GATB: variants seen among roughly 807,000 people sequenced by gnomAD.
GATB encodes the protein glutamyl-tRNA(Gln) amidotransferase subunit B, mitochondrial.
A neutral mutation model predicts 62.3 loss-of-function variants in GATB; 39 were observed. The observed-to-expected ratio is 0.63, with a 90% CI of 0.48 to 0.82. GATB has a LOEUF of 0.82. GATB is among the 40% of genes least tolerant of loss of function. The probability of loss-of-function intolerance (pLI) is 0.00; values close to 1 mark genes in which losing one functional copy is unlikely to be tolerated. For missense variants in GATB, 670 were observed against 684.0 expected (o/e 0.98, Z 0.23); for synonymous variants, 276 against 258.9 (o/e 1.07, Z -0.63).
At chr4:151,734,480 C>T (rs540369436) in intron 2 of GATB, among the ~76,000 whole-genome samples, 9 of 152,180 alleles carry the variant, frequency 5.9e-5, no homozygotes, top group East Asian at 1.9e-4. Flanking sequence ...CCCATGTTCA[C>T]GGATGGGTAG....
At chr4:151,690,707 G>T (rs1738348018) in intron 9 of GATB, among the ~76,000 whole-genome samples, 1 of 152,174 alleles carries the variant, frequency 6.6e-6, no homozygotes, top group Admixed American at 6.5e-5. Context: ...CCCTTGGGTG[G>T]TTTTTTTATT....
At chr4:151,718,912 T>A (rs1049022579) in intron 3 of GATB, among the ~76,000 whole-genome samples, 25 of 152,228 alleles carry the variant, frequency 1.6e-4, no homozygotes, top group Non-Finnish European at 1.5e-5. Flanking sequence ...AGTTTACTGT[T>A]CTTGGTCCAG....
chr4:151,710,035 C>T (rs1738786789), intron 5 of GATB, among the ~76,000 whole-genome samples: 2 of 152,190 alleles, frequency 1.3e-5, no homozygotes, highest in South Asian at 4.1e-4. Context: ...CTCAAGGACT[C>T]ACTTGAGTGT....
chr4:151,718,930 G>GT (rs1204660241), intron 3 of GATB, among the ~76,000 whole-genome samples: 1 of 152,216 alleles, frequency 6.6e-6, no homozygotes, highest in Admixed American at 6.5e-5. Flanking sequence ...CAGATTTCTG[G>GT]TTCATGTTTC....
intron 2 of GATB, chr4:151,723,681 G>A (rs1261017856): frequency 6.6e-6 from 1 of 152,182 alleles, no homozygotes; most frequent in Non-Finnish European, 1.5e-5. Flanking sequence ...GCTTGGTGAT[G>A]GGTGACCCTA....
intron 5 of GATB, among the ~76,000 whole-genome samples, chr4:151,709,632 C>G (rs1738779480): frequency 6.6e-6 from 1 of 152,186 alleles, no homozygotes; most frequent in African/African-American, 2.4e-5. Context: ...CACGGCCTTT[C>G]CATTTCCATG....
In GATB at chr4:151,760,961, A is replaced by G; in HGVS notation, c.22T>C (p.Trp8Arg). 6.2e-7 allele frequency: 1 copy of G among 1,612,358 alleles called. No individual in the cohort carries two copies. The highest frequency in any genetic ancestry group is 1.1e-5 in the South Asian group (1 of 90,790). ...GCCCAACGTCTTCCACGGCAGCCCC[A>G]GCGCAGCATGGGCGCCGCCATTGTA... MAAPMLR[W>R]GCRGRRWAFA... Residue 8 changes from tryptophan to arginine, a missense_variant, in exon 1 of 13, where the codon TGG becomes CGG. Physicochemically the swap from Trp to Arg is moderately radical, Grantham distance 101. Coordinates refer to ENST00000263985, the MANE Select transcript of GATB (RefSeq NM_004564.3).
At chr4:151,739,923 G>C (rs1739451038) in intron 2 of GATB, among the ~76,000 whole-genome samples, 1 of 152,184 alleles carries the variant, frequency 6.6e-6, no homozygotes, top group Non-Finnish European at 1.5e-5. Flanking sequence ...ACAATGATGG[G>C]ACAGTCAGCT....
chr4:151,695,101 T>C (rs1224707968), intron 9 of GATB, among the ~76,000 whole-genome samples: 1 of 152,110 alleles, frequency 6.6e-6, no homozygotes, highest in Non-Finnish European at 1.5e-5. Flanking sequence ...CGCAAGTACA[T>C]CTTCCTACAG....
rs760891516 is a variant in GATB at position 151,760,954 on chromosome 4, C to G, written c.29G>C (p.Cys10Ser). The change falls in exon 1 of 13, where the codon TGC becomes TCC. Residue 10 changes from cysteine (C) to serine (S), a missense_variant. By Grantham distance (112) the Cys-to-Ser change is moderately radical (BLOSUM62 -1). Coordinates refer to ENST00000263985, the MANE Select transcript of GATB (RefSeq NM_004564.3). MAAPMLRWGCRGRRWAFARV... is the reference protein window; with the variant it reads MAAPMLRWGSRGRRWAFARV... ...GGCGAAAGCCCAACGTCTTCCACGG[C>G]AGCCCCAGCGCAGCATGGGCGCCGC... 17 of 1,612,992 alleles carry G rather than the reference C, an allele frequency of 1.1e-5. No homozygotes were observed. The highest frequency in any genetic ancestry group is 1.2e-5 in the Non-Finnish European group (14 of 1,179,782).
At chr4:151,700,786 C>G (rs977306756) in intron 9 of GATB, among the ~76,000 whole-genome samples, 27 of 152,216 alleles carry the variant, frequency 1.8e-4, no homozygotes, top group African/African-American at 6.3e-4. Context: ...TTGACAGTGT[C>G]AGGTTCTCTA....
intron 2 of GATB, among the ~76,000 whole-genome samples, chr4:151,731,819 T>C (rs2126986538): frequency 6.7e-6 from 1 of 149,232 alleles, no homozygotes; most frequent in South Asian, 2.2e-4. Flanking sequence ...GTCTGAGAAG[T>C]GAGGAGCCCC....
intron 5 of GATB, among the ~76,000 whole-genome samples, chr4:151,714,760 C>G (rs1465427644): frequency 6.6e-6 from 1 of 152,098 alleles, no homozygotes; most frequent in Non-Finnish European, 1.5e-5. Context: ...AATGGATAAC[C>G]ATCCAACTTG....
chr4:151,747,057 G>C (rs1434929091), intron 2 of GATB, among the ~76,000 whole-genome samples: 1 of 152,158 alleles, frequency 6.6e-6, no homozygotes, highest in Non-Finnish European at 1.5e-5. Context: ...AACTGCGGCA[G>C]GTAGGGTTGT....
chr4:151,682,743 C>T (rs1448586358), intron 10 of GATB, among the ~76,000 whole-genome samples: 2 of 152,004 alleles, frequency 1.3e-5, no homozygotes, highest in African/African-American at 4.8e-5. Flanking sequence ...TATCTCAGGC[C>T]CAAAGTCCAC....
At chr4:151,678,814 T>C (rs185346053) in intron 11 of GATB, among the ~76,000 whole-genome samples, 5 of 152,354 alleles carry the variant, frequency 3.3e-5, no homozygotes, top group Non-Finnish European at 1.5e-5. Context: ...GGCTGAAGCA[T>C]TGACAGCTGC....
chr4:151,720,833 G>GC (rs1739017608), intron 2 of GATB: 2 of 152,128 alleles, frequency 1.3e-5, no homozygotes, highest in Admixed American at 6.5e-5. Flanking sequence ...TCAGGGACTG[G>GC]CTCTTTAGGC....
chr4:151,701,319 C>A lies in GATB; in HGVS notation c.1197+10G>T. 2.0e-6 allele frequency: 3 copies of A among 1,513,918 alleles called. No individual in the cohort carries two copies. The highest frequency in any genetic ancestry group is 2.7e-5 in the South Asian group (2 of 73,974). The allele number at this position is 1,513,918 out of a possible 1,614,324, so 93.8% of individuals were successfully genotyped here. A position where few individuals can be genotyped will look rare whatever the true frequency, so the allele number is the denominator to read the frequency against. On this transcript the variant is annotated intron_variant, in intron 9 of 12. Coordinates refer to ENST00000263985, the MANE Select transcript of GATB (RefSeq NM_004564.3). Reference sequence around the variant, plus strand: ...AGCCGGGATCCTCTTGGCATCCGATCGATACCTACCAGCAAAGTGAAGCTG... The same window carrying A: ...AGCCGGGATCCTCTTGGCATCCGATAGATACCTACCAGCAAAGTGAAGCTG...
intron 2 of GATB, chr4:151,720,954 A>C (rs1030608958): frequency 3.3e-5 from 5 of 152,330 alleles, no homozygotes; most frequent in Non-Finnish European, 2.9e-5. Flanking sequence ...AAACCCAAAC[A>C]AGGGCCAGGC....
Sources: gnomAD v4.1 joint callset for allele counts (sites outside exome capture counted in the v4.1 genomes callset) on GRCh38, gnomAD v4.1.1 for gene constraint, MANE v1.5 for transcripts, NCBI Gene and HGNC (gene_info 2026-07-23, HGNC 2026-07-21) for gene names.